FGD4: variants seen among roughly 807,000 people sequenced by gnomAD.
FGD4 encodes the protein FYVE, RhoGEF and PH domain-containing protein 4.
FGD4 carries 42 observed loss-of-function variants against 102.0 expected under a neutral mutation model. The observed-to-expected ratio is 0.41, with a 90% CI of 0.32 to 0.53. The LOEUF (loss-of-function observed/expected upper bound fraction) is 0.53, where lower values mean the gene tolerates loss of function less well. Among genes scored for constraint, FGD4 ranks in the 20% least tolerant of loss-of-function variants. The pLI, the probability that FGD4 is intolerant of heterozygous loss-of-function variation, is 0.21. For missense variants in FGD4, 902 were observed against 1,078.2 expected (o/e 0.84, Z 2.29); for synonymous variants, 380 against 375.7 (o/e 1.01, Z -0.13).
At chr12:32,440,660 A>G (rs1347939842) in intron 1 of FGD4, among the ~76,000 whole-genome samples, 1 of 152,218 alleles carries the variant, frequency 6.6e-6, no homozygotes, top group Non-Finnish European at 1.5e-5. Context: ...GGTTTGCTAT[A>G]ACTACTTCCT....
intron 1 of FGD4, among the ~76,000 whole-genome samples, chr12:32,543,442 A>C (rs1170835707): frequency 1.3e-5 from 2 of 152,136 alleles, no homozygotes; most frequent in African/African-American, 2.4e-5. Context: ...AATAGGTCTG[A>C]AAGTTCCATG....
chr12:32,529,229 C>T (rs1158743133), intron 1 of FGD4, among the ~76,000 whole-genome samples: 1 of 152,142 alleles, frequency 6.6e-6, no homozygotes, highest in Non-Finnish European at 1.5e-5. Context: ...ATCCTCCTGC[C>T]TCAGCCTCCC....
At chr12:32,416,870 T>G (rs1397572665) in intron 1 of FGD4, among the ~76,000 whole-genome samples, 3 of 152,098 alleles carry the variant, frequency 2.0e-5, no homozygotes, top group Admixed American at 2.0e-4. Flanking sequence ...GATTTCTTAT[T>G]GCTCATTAAC....
At chr12:32,602,706 C>A (rs542922351) in intron 7 of FGD4, among the ~76,000 whole-genome samples, 2 of 152,166 alleles carry the variant, frequency 1.3e-5, no homozygotes, top group Non-Finnish European at 2.9e-5. Context: ...CACTTGATAT[C>A]TGTGTCCTCA....
intron 1 of FGD4, among the ~76,000 whole-genome samples, chr12:32,444,497 C>A (rs944987482): frequency 6.6e-6 from 1 of 152,024 alleles, no homozygotes; most frequent in Admixed American, 6.6e-5. Context: ...CTCCGTCTCC[C>A]GGGTTCAAGT....
intron 1 of FGD4, among the ~76,000 whole-genome samples, chr12:32,454,790 T>G (rs898267101): frequency 6.6e-6 from 1 of 152,226 alleles, no homozygotes; most frequent in Non-Finnish European, 1.5e-5. Flanking sequence ...ATTTAGAGTC[T>G]CAGAACATTT....
At chr12:32,479,263 A>G (rs1943658977) in intron 1 of FGD4, among the ~76,000 whole-genome samples, 1 of 152,104 alleles carries the variant, frequency 6.6e-6, no homozygotes, top group African/African-American at 2.4e-5. Context: ...TTGCCTCACA[A>G]CTATACTTAA....
chr12:32,412,672 G>A (rs1367207543), intron 1 of FGD4, among the ~76,000 whole-genome samples: 2 of 151,978 alleles, frequency 1.3e-5, no homozygotes, highest in Admixed American at 6.6e-5. Context: ...GCATTGGCGC[G>A]ATGTCAGCTC....
intron 1 of FGD4, among the ~76,000 whole-genome samples, chr12:32,543,615 C>T (rs1943010166): frequency 1.3e-5 from 2 of 152,162 alleles, no homozygotes; most frequent in South Asian, 4.1e-4. Context: ...TTATCCCCAC[C>T]ACTTAGGAAA....
intron 14 of FGD4, among the ~76,000 whole-genome samples, chr12:32,628,617 G>A (rs780735575): frequency 5.9e-5 from 9 of 152,206 alleles, no homozygotes; most frequent in East Asian, 1.9e-4. Flanking sequence ...TGACCAACAC[G>A]GAGAAATCCC....
chr12:32,484,471 TGACTATCACATGAAAAG>T (rs1414121513), intron 1 of FGD4, among the ~76,000 whole-genome samples: 1 of 152,220 alleles, frequency 6.6e-6, no homozygotes, highest in Non-Finnish European at 1.5e-5. Flanking sequence ...CTACAACATC[TGACTATCACATGAAAAG>T]GGACATTTGT....
At position 32,602,279 on chromosome 12, in the gene FGD4, C is replaced by G. The variant is rs1131691854; in HGVS notation, c.1366C>G (p.Arg456Gly). ...AMELVKNMTE[R>G]IPQFKSVVEE... Reference sequence around the variant, plus strand: ...GGAATTGGTTAAAAACATGACAGAACGTATTCCCCAGTTCAAATCAGTGGT... The same window carrying G: ...GGAATTGGTTAAAAACATGACAGAAGGTATTCCCCAGTTCAAATCAGTGGT... Residue 456 changes from arginine to glycine, a missense_variant, in exon 7 of 17, where the codon CGT becomes GGT. Arg to Gly is a moderately radical substitution (Grantham distance 125). Coordinates refer to ENST00000534526, the MANE Select transcript of FGD4 (RefSeq NM_001370298.3). 1 of 1,614,092 alleles carries G rather than the reference C, an allele frequency of 6.2e-7. No homozygotes were observed. Among genetic ancestry groups the G allele is most frequent in the Non-Finnish European group, 8.5e-7 (1 of 1,180,004 alleles).
chr12:32,432,845 G>A (rs758961033), intron 1 of FGD4, among the ~76,000 whole-genome samples: 28 of 152,108 alleles, frequency 1.8e-4, no homozygotes, highest in Non-Finnish European at 3.2e-4. Context: ...TTGAATGAGT[G>A]AGTGACTGAA....
chr12:32,640,992 T>G lies in FGD4; in HGVS notation c.*459T>G, dbSNP rs1951130127. The G allele has an allele frequency of 5.7e-6, 1 of 176,554 alleles. No individual in the cohort carries two copies. The highest frequency in any genetic ancestry group is 2.4e-5 in the African/African-American group (1 of 42,180). The allele number at this position is 176,554 out of a possible 1,614,324, so 10.9% of individuals were successfully genotyped here. On this transcript the variant is annotated 3_prime_UTR_variant, in exon 17 of 17. Transcript: ENST00000534526. Reference sequence around the variant, plus strand: ...ATTGTATTAACTTATTTAATTTAGTTTATAAATCTCTAGCTGCATAAATGA... The same window carrying G: ...ATTGTATTAACTTATTTAATTTAGTGTATAAATCTCTAGCTGCATAAATGA...
chr12:32,518,871 T>C (rs991739050), intron 1 of FGD4, among the ~76,000 whole-genome samples: 3 of 150,916 alleles, frequency 2.0e-5, no homozygotes, highest in African/African-American at 4.9e-5. Context: ...TCCCAGCACA[T>C]TGGGAGGCCG....
chr12:32,564,561 T>C (rs1239208000), intron 2 of FGD4, among the ~76,000 whole-genome samples: 2 of 152,250 alleles, frequency 1.3e-5, no homozygotes, highest in Non-Finnish European at 2.9e-5. Context: ...CTCTTTATTA[T>C]GCCTGATCTA....
intron 5 of FGD4, 29 bp downstream of exon 5, chr12:32,598,615 A>C: frequency 6.4e-7 from 1 of 1,561,306 alleles, no homozygotes; most frequent in Non-Finnish European, 8.8e-7. Context: ...GAATTATTTT[A>C]TATTTTGGCA....
chr12:32,409,328 C>T (rs1941100857), intron 1 of FGD4, among the ~76,000 whole-genome samples: 1 of 150,068 alleles, frequency 6.7e-6, no homozygotes, highest in African/African-American at 2.5e-5. Context: ...CACTCTTGTC[C>T]CCCAAGCTGG....
rs1190945153 is a variant in FGD4 at position 32,461,088 on chromosome 12, GGTCCATAACTTATTCATCAT to G, written c.166+61132_166+61151del. On this transcript the variant is annotated intron_variant, in intron 1 of 16. Transcript: ENST00000534526. ...TATGATGTGTGCTGGTTGTATCTGT[GGTCCATAACTTATTCATCAT>G]GTTGAAAGTTAATATTGATTCTTCT... Among the ~76,000 whole-genome samples, 5 of 152,018 alleles carry G rather than the reference GGTCCATAACTTATTCATCAT, an allele frequency of 3.3e-5. No homozygotes were observed. The South Asian group carries it at 1.0e-3, about 32-fold the overall frequency.
Sources: allele counts gnomAD v4.1 joint callset (sites outside exome capture counted in the v4.1 genomes callset), GRCh38; gene constraint gnomAD v4.1.1; transcripts MANE v1.5; gene names NCBI Gene and HGNC (gene_info 2026-07-23, HGNC 2026-07-21).